PIKFYVE: variants seen among roughly 807,000 people sequenced by gnomAD.
PIKFYVE encodes phosphoinositide kinase, FYVE-type zinc finger containing.
In PIKFYVE, 122 loss-of-function variants were observed where a neutral mutation model predicts 257.9. The observed-to-expected ratio is 0.47, with a 90% CI of 0.41 to 0.55. PIKFYVE has a LOEUF of 0.55. PIKFYVE is among the 20% of genes least tolerant of loss of function. The pLI is 0.00. For missense variants in PIKFYVE, 2,160 were observed against 2,536.6 expected (o/e 0.85, Z 3.19); for synonymous variants, 892 against 868.9 (o/e 1.03, Z -0.47).
chr2:208,340,846 G>C (rs1203199040), intron 31 of PIKFYVE, among the ~76,000 whole-genome samples: 2 of 152,078 alleles, frequency 1.3e-5, no homozygotes, highest in South Asian at 2.1e-4. Flanking sequence ...GGAAGATACA[G>C]TTAGGGCTCA....
Position 208,287,484 on chromosome 2 carries a change from G to A in PIKFYVE, c.822-1245G>A, listed in dbSNP as rs1175586955. Among the ~76,000 whole-genome samples the A allele has an allele frequency of 2.6e-5, 4 of 152,044 alleles. No homozygotes were observed. In the East Asian group the frequency reaches 7.7e-4, roughly 29 times the overall value. On this transcript the variant is annotated intron_variant, in intron 6 of 41. Transcript: ENST00000264380. ...GGACGGGGTTTCATCATGTTGGCCAGGCTGGTCTTGAACTCCTGACCTCAG... is the reference window on the plus strand; with the variant it reads ...GGACGGGGTTTCATCATGTTGGCCAAGCTGGTCTTGAACTCCTGACCTCAG...
At position 208,341,759 on chromosome 2, in the gene PIKFYVE, C is replaced by A. The variant is rs574713205; in HGVS notation, c.4932-795C>A. On this transcript the variant is annotated intron_variant, in intron 31 of 41. Transcript: ENST00000264380. Reference sequence around the variant, plus strand: ...TTCCACTCTCATGACCTAAATTACCCCCTAAAGGCCCTACCTCCTTATACC... The same window carrying A: ...TTCCACTCTCATGACCTAAATTACCACCTAAAGGCCCTACCTCCTTATACC... Among the ~76,000 whole-genome samples, 34 of 152,234 alleles carry A rather than the reference C, an allele frequency of 2.2e-4. 1 individual carries two copies. The South Asian group carries it at 6.7e-3, about 30-fold the overall frequency.
chr2:208,313,531 G>A (rs749305394), intron 13 of PIKFYVE, among the ~76,000 whole-genome samples: 9 of 149,126 alleles, frequency 6.0e-5, no homozygotes, highest in Non-Finnish European at 1.0e-4. Flanking sequence ...GCTATCATGT[G>A]TTCTTTTGCC....
intron 8 of PIKFYVE, among the ~76,000 whole-genome samples, chr2:208,299,721 G>T (rs1167912765): frequency 6.6e-6 from 1 of 152,168 alleles, no homozygotes; most frequent in Non-Finnish European, 1.5e-5. Context: ...ACACTTTTCA[G>T]ACATTTAATA....
At chr2:208,303,684 A>G (rs558395011) in intron 10 of PIKFYVE, among the ~76,000 whole-genome samples, 9 of 152,306 alleles carry the variant, frequency 5.9e-5, no homozygotes, top group Admixed American at 3.9e-4. Flanking sequence ...AAGTAGACCA[A>G]TGCAGTTTAA....
In PIKFYVE at chr2:208,328,136, G is replaced by A. The variant is rs749984358; in HGVS notation, c.3619-44G>A. The A allele has an allele frequency of 4.3e-6, 7 of 1,612,222 alleles. No homozygotes were observed. The East Asian group carries it at 1.6e-4, about 36-fold the overall frequency. ...TGTGTTTGGTGCATTGGGGTTGAAT[G>A]CGGTTGCAGTCACTTGCTCATCCAT... On this transcript the variant is annotated intron_variant, in intron 20 of 41. Transcript: ENST00000264380.
At chr2:208,295,181 A>G (rs140981641) in intron 7 of PIKFYVE, among the ~76,000 whole-genome samples, 3 of 152,346 alleles carry the variant, frequency 2.0e-5, no homozygotes, top group Admixed American at 6.5e-5. Flanking sequence ...TGATGGACCT[A>G]AGAACAGTTG....
chr2:208,329,384 A>C (rs76115819), intron 21 of PIKFYVE, among the ~76,000 whole-genome samples: 4,388 of 152,270 alleles, frequency 0.029, 200 homozygotes, highest in African/African-American at 0.099. Flanking sequence ...GGATTTCAAC[A>C]GTTATATAGC....
intron 13 of PIKFYVE, among the ~76,000 whole-genome samples, chr2:208,313,749 A>AT (rs1695182846): frequency 6.6e-6 from 1 of 151,878 alleles, no homozygotes; most frequent in Non-Finnish European, 1.5e-5. Flanking sequence ...CGCCCAGCTA[A>AT]TTTTTGTGTT....
chr2:208,334,803 C>T (rs1574683247), intron 24 of PIKFYVE, among the ~76,000 whole-genome samples: 1 of 152,172 alleles, frequency 6.6e-6, no homozygotes, highest in East Asian at 1.9e-4. Context: ...AATAGACCCT[C>T]AGGGGATATT....
intron 17 of PIKFYVE, among the ~76,000 whole-genome samples, chr2:208,322,662 G>A (rs1357677031): frequency 2.0e-5 from 3 of 150,990 alleles, no homozygotes; most frequent in Non-Finnish European, 4.4e-5. Context: ...TTTAGTCTAA[G>A]ATTGATAATA....
Position 208,342,568 on chromosome 2 carries a change from A to G in PIKFYVE, c.4946A>G (p.His1649Arg), listed in dbSNP as rs1172037314. ...PIPFPFDPDK[H>R]YLMYEHERVP... The stretch of plus-strand genomic sequence containing the variant: ...AATTTGCATAGTGATCCAGATAAAC[A>G]CTACTTAATGTATGAACATGAACGA... The change falls in exon 32 of 42, where the codon CAC (histidine) becomes CGC (arginine). Residue 1649 changes from histidine to arginine, a missense_variant. Around this residue, in one of 12 missense-constraint regions of PIKFYVE, gnomAD observed 699 missense variants for 855.8 expected, o/e 0.82. Transcript: ENST00000264380. 2.5e-6 allele frequency: 4 copies of G among 1,613,554 alleles called. No homozygotes were observed. Among genetic ancestry groups the G allele is most frequent in the Non-Finnish European group, 3.4e-6 (4 of 1,179,458 alleles).
intron 8 of PIKFYVE, among the ~76,000 whole-genome samples, chr2:208,299,944 G>C (rs553849406): frequency 2.4e-4 from 37 of 152,120 alleles, no homozygotes; most frequent in African/African-American, 8.4e-4. Context: ...TGAGGCCAGG[G>C]GTTTGAGGCT....
At chr2:208,347,298 A>G (rs1037102286) in intron 34 of PIKFYVE, among the ~76,000 whole-genome samples, 1 of 152,264 alleles carries the variant, frequency 6.6e-6, no homozygotes, top group African/African-American at 2.4e-5. Context: ...GAGTAAAAGT[A>G]TAGAGCAAGC....
chr2:208,285,599 A>T, intron 5 of PIKFYVE, 127 bp from the exon 6 acceptor site: 2 of 778,406 alleles, frequency 2.6e-6, no homozygotes, highest in South Asian at 1.5e-5. Context: ...GAGAGTCTGT[A>T]CTTGAAGACA....
At chr2:208,345,902 A>C in intron 33 of PIKFYVE, 148 bp from the exon 34 acceptor site, 1 of 630,372 alleles carries the variant, frequency 1.6e-6, no homozygotes, top group South Asian at 1.9e-5. Context: ...GCCTGTGTTT[A>C]TGTAAATTAT....
In PIKFYVE at chr2:208,336,180, G is replaced by A. The variant is rs372813843; in HGVS notation, c.4500G>A (p.Val1500=). ...LIAKKQSLCE[V]LQAWNNRLQD... ...CCAAGAAACAAAGTCTCTGTGAAGT[G>A]CTGCAAGCTTGGAATAACAGGTGTG... The change falls in exon 27 of 42, where the codon GTG becomes GTA. Residue 1500 remains valine (V), a synonymous_variant. Transcript: ENST00000264380. The A allele has an allele frequency of 1.2e-6, 2 of 1,613,886 alleles. No homozygotes were observed. Among genetic ancestry groups the A allele is most frequent in the Non-Finnish European group, 1.7e-6 (2 of 1,179,948 alleles).
chr2:208,278,482 T>C (rs900194801), intron 5 of PIKFYVE, among the ~76,000 whole-genome samples: 1 of 152,126 alleles, frequency 6.6e-6, no homozygotes, highest in Non-Finnish European at 1.5e-5. Flanking sequence ...TGCTGAGATT[T>C]TGCATATGAC....
At chr2:208,297,927 G>A (rs1693184720) in intron 7 of PIKFYVE, among the ~76,000 whole-genome samples, 2 of 151,522 alleles carry the variant, frequency 1.3e-5, no homozygotes, top group Non-Finnish European at 3.0e-5. Context: ...GATATTATGA[G>A]AAGAAACAAA....
Sources: allele counts gnomAD v4.1 joint callset (sites outside exome capture counted in the v4.1 genomes callset), GRCh38; gene constraint gnomAD v4.1.1; regional missense constraint gnomAD v4.1.1; transcripts MANE v1.5; gene names NCBI Gene and HGNC (gene_info 2026-07-23, HGNC 2026-07-21).